DNAH12: variants seen among roughly 807,000 people sequenced by gnomAD.
DNAH12 encodes axonemal beta dynein heavy chain 12.
Under a neutral mutation model 371.5 loss-of-function variants are expected in DNAH12, and 285 were observed. The ratio of observed to expected loss-of-function variants is 0.77; its 90% confidence interval spans 0.70 to 0.85. The LOEUF (loss-of-function observed/expected upper bound fraction) is 0.85. Among genes scored for constraint, DNAH12 ranks in the 40% least tolerant of loss-of-function variants. DNAH12 has a pLI of 0.00. For synonymous variants in DNAH12, 1,200 were observed against 1,213.0 expected, an observed-to-expected ratio of 0.99 and a Z score of 0.22; for missense variants, 3,611 against 3,689.4, an observed-to-expected ratio of 0.98 and a Z score of 0.55.
intron 17 of DNAH12, among the ~76,000 whole-genome samples, chr3:57,467,539 G>A (rs1660506711): frequency 6.6e-6 from 1 of 152,126 alleles, no homozygotes; most frequent in Non-Finnish European, 1.5e-5. Context: ...AGAAAAAGTA[G>A]TTATAACCTC....
intron 35 of DNAH12, among the ~76,000 whole-genome samples, chr3:57,422,396 A>G (rs1456202842): frequency 6.6e-6 from 1 of 151,872 alleles, no homozygotes; most frequent in Non-Finnish European, 1.5e-5. Context: ...GGGTTTCACC[A>G]TGTTAGCCAG....
intron 65 of DNAH12, among the ~76,000 whole-genome samples, chr3:57,318,692 C>T (rs1434322767): frequency 7.1e-6 from 1 of 140,282 alleles, no homozygotes; most frequent in African/African-American, 2.8e-5. Flanking sequence ...AAGTATAATG[C>T]AAATATTCCA....
intron 22 of DNAH12, among the ~76,000 whole-genome samples, chr3:57,455,454 C>A (rs984507795): frequency 6.6e-6 from 1 of 151,434 alleles, no homozygotes; most frequent in African/African-American, 2.4e-5. Flanking sequence ...CCTGAAATCC[C>A]AGTTACTAAA....
intron 8 of DNAH12, among the ~76,000 whole-genome samples, chr3:57,506,588 TATGCC>T (rs2067767282): frequency 6.6e-6 from 1 of 152,046 alleles, no homozygotes; most frequent in Non-Finnish European, 1.5e-5. Context: ...ATTACAAGCA[TATGCC>T]ACCACACCTG....
intron 62 of DNAH12, among the ~76,000 whole-genome samples, chr3:57,326,426 T>C (rs1436185945): frequency 2.6e-5 from 4 of 152,136 alleles, no homozygotes; most frequent in African/African-American, 9.7e-5. Context: ...AAGAAAAGAA[T>C]TTTCAACCCA....
chr3:57,445,696 C>CTT (rs34857546), intron 27 of DNAH12, among the ~76,000 whole-genome samples: 68,040 of 151,688 alleles, frequency 0.45, 16,980 homozygotes, highest in South Asian at 0.59. Flanking sequence ...AACTTACACT[C>CTT]AAAAAATATT....
rs114343864 is a variant in DNAH12 at position 57,430,344 on chromosome 3, C to T, written c.4981-570G>A. The stretch of plus-strand genomic sequence containing the variant: ...TATATTTTCTATGTAATCACAATAA[C>T]ATTATCACACCTAACAAAATGAATA... On this transcript the variant is annotated intron_variant, in intron 32 of 73. Transcript: ENST00000495027. Among the ~76,000 whole-genome samples the T allele has an allele frequency of 3.1e-3, 473 of 152,192 alleles. 2 individuals are homozygous for T. The highest frequency in any genetic ancestry group is 0.011 in the African/African-American group (452 of 41,542).
At chr3:57,528,490 C>A (rs113614128) in intron 2 of DNAH12, among the ~76,000 whole-genome samples, 149,509 of 149,518 alleles carry the variant, frequency 1, 74,750 homozygotes, top group Middle Eastern at 1. Flanking sequence ...CTTTGGGAGG[C>A]CAAGGGGGGG....
At chr3:57,472,974 A>G (rs1024957386) in intron 13 of DNAH12, among the ~76,000 whole-genome samples, 2 of 152,192 alleles carry the variant, frequency 1.3e-5, no homozygotes, top group African/African-American at 4.8e-5. Context: ...ACTGAAAAAT[A>G]TAATTAAATC....
intron 12 of DNAH12, among the ~76,000 whole-genome samples, chr3:57,487,375 A>AAGAAAG (rs71088080): frequency 1.5e-5 from 2 of 136,624 alleles, no homozygotes; most frequent in Non-Finnish European, 3.1e-5. Context: ...GAAAGAAAGA[A>AAGAAAG]AAAAAAAAAG....
At chr3:57,323,742 C>A (rs746452742) in intron 62 of DNAH12, 123 bp from the exon 63 acceptor site, 1 of 995,550 alleles carries the variant, frequency 1.0e-6, no homozygotes, top group Non-Finnish European at 1.4e-6. Flanking sequence ...CATATAGCAT[C>A]ATAGACAAAG....
chr3:57,335,805 G>C (rs2062208904), intron 60 of DNAH12, among the ~76,000 whole-genome samples: 1 of 152,178 alleles, frequency 6.6e-6, no homozygotes, highest in African/African-American at 2.4e-5. Flanking sequence ...ACATCTAAGG[G>C]GCTGTAAACT....
intron 2 of DNAH12, among the ~76,000 whole-genome samples, chr3:57,535,762 G>A (rs745489128): frequency 5.3e-5 from 8 of 151,258 alleles, no homozygotes; most frequent in Non-Finnish European, 1.2e-4. Context: ...GGCTGGTCTC[G>A]AACTCCCAAC....
At chr3:57,495,520 C>T (rs1322292451) in intron 11 of DNAH12, among the ~76,000 whole-genome samples, 2 of 150,770 alleles carry the variant, frequency 1.3e-5, no homozygotes, top group Middle Eastern at 3.5e-3. Flanking sequence ...GAGATAGTGC[C>T]ACATTAGGAC....
At chr3:57,532,365 G>A (rs1271738545) in intron 2 of DNAH12, among the ~76,000 whole-genome samples, 1 of 152,090 alleles carries the variant, frequency 6.6e-6, no homozygotes, top group African/African-American at 2.4e-5. Context: ...GTTTGGTGAG[G>A]TCATGTTTTT....
intron 2 of DNAH12, among the ~76,000 whole-genome samples, chr3:57,537,964 T>C (rs4681995): frequency 0.84 from 127,697 of 152,144 alleles, 54,282 homozygotes; most frequent in African/African-American, 0.95. Flanking sequence ...ATTACAGGCG[T>C]GAGCCACCAC....
At chr3:57,314,877 G>A (rs912446036) in intron 65 of DNAH12, among the ~76,000 whole-genome samples, 4 of 152,010 alleles carry the variant, frequency 2.6e-5, no homozygotes, top group Non-Finnish European at 4.4e-5. Context: ...ATGCAAAAAC[G>A]TTATCATTTT....
Position 57,453,266 on chromosome 3 carries a change from G to A in DNAH12, c.3594C>T (p.Val1198=). The change falls in exon 24 of 74, where the codon GTC becomes GTT. Residue 1198 remains valine (V), a synonymous_variant. Transcript: ENST00000495027. ...ACATACCCATTTTAATCATGTCCATGACCACATCTCTAGCATGGACATCAA... is the reference window on the plus strand; with the variant it reads ...ACATACCCATTTTAATCATGTCCATAACCACATCTCTAGCATGGACATCAA... ...VTIDVHARDV[V]MDMIKMGVSH... 2 of 1,533,768 alleles carry A rather than the reference G, an allele frequency of 1.3e-6. No individual in the cohort carries two copies. The highest frequency in any genetic ancestry group is 8.8e-7 in the Non-Finnish European group (1 of 1,142,688).
rs902745053 is a variant in DNAH12, at chr3:57,413,829, A to G, written c.5937T>C (p.Asp1979=). ...TCTCCAATGCAGGCATATTCATATC[A>G]TCTATAAAAATTATACACTTCTTTC... is the stretch of plus-strand genomic sequence containing the variant. ...PMGKKCIIFI[D]DMNMPALEKY... The change falls in exon 39 of 74, where the codon GAT becomes GAC. Residue 1979 remains aspartate, a synonymous_variant. Coordinates refer to ENST00000495027, the MANE Select transcript of DNAH12 (RefSeq NM_001366028.2). 1.5e-5 allele frequency: 23 copies of G among 1,551,170 alleles called. No individual in the cohort carries two copies. In the African/African-American group the frequency reaches 2.7e-4, roughly 18 times the overall value.
Sources: allele counts gnomAD v4.1 joint callset (sites outside exome capture counted in the v4.1 genomes callset), GRCh38; gene constraint gnomAD v4.1.1; transcripts MANE v1.5; gene names NCBI Gene and HGNC (gene_info 2026-07-23, HGNC 2026-07-21).